The following RNF180 variants were observed in gnomAD, a reference collection of about 807,000 sequenced individuals.
RNF180 encodes the protein E3 ubiquitin-protein ligase RNF180.
In RNF180, 38 loss-of-function variants were observed where a neutral mutation model predicts 59.2. That is an observed-to-expected ratio of 0.64 (90% CI 0.50 to 0.84). The LOEUF is 0.84. Among genes scored for constraint, RNF180 ranks in the 40% least tolerant of loss-of-function variants. The pLI is 0.00. For synonymous variants in RNF180, 262 were observed against 240.3 expected (o/e 1.09, Z -0.84); for missense variants, 705 against 700.9 (o/e 1.01, Z -0.07).
At chr5:64,297,560 A>G (rs556631227) in intron 5 of RNF180, among the ~76,000 whole-genome samples, 2 of 152,204 alleles carry the variant, frequency 1.3e-5, no homozygotes, top group African/African-American at 4.8e-5. Context: ...ACATAGACTC[A>G]GACTACAATT....
chr5:64,198,982 A>T (rs1248034809), intron 1 of RNF180, among the ~76,000 whole-genome samples: 1 of 151,982 alleles, frequency 6.6e-6, no homozygotes, highest in East Asian at 1.9e-4. Flanking sequence ...ACACACGGCT[A>T]AATTTTTGTA....
intron 7 of RNF180, among the ~76,000 whole-genome samples, chr5:64,331,449 A>G (rs1009451504): frequency 1.3e-5 from 2 of 152,154 alleles, no homozygotes; most frequent in African/African-American, 4.8e-5. Flanking sequence ...TCTTTAGCCC[A>G]TAAAAACCCT....
chr5:64,312,857 C>T (rs962118291), intron 5 of RNF180, among the ~76,000 whole-genome samples: 4 of 152,082 alleles, frequency 2.6e-5, no homozygotes, highest in Admixed American at 1.3e-4. Flanking sequence ...CTGGGGTCTT[C>T]TAGTAGCTCT....
At chr5:64,250,683 A>G (rs1463404359) in intron 5 of RNF180, among the ~76,000 whole-genome samples, 3 of 152,202 alleles carry the variant, frequency 2.0e-5, no homozygotes, top group Admixed American at 1.3e-4. Flanking sequence ...TCCTTTATGC[A>G]TACAACCTAC....
chr5:64,323,273 T>C (rs557038015), intron 5 of RNF180, among the ~76,000 whole-genome samples: 4 of 152,134 alleles, frequency 2.6e-5, no homozygotes, highest in Non-Finnish European at 5.9e-5. Flanking sequence ...GGGTGTGGTG[T>C]CTCACAGCCT....
intron 5 of RNF180, among the ~76,000 whole-genome samples, chr5:64,277,696 C>A (rs540295458): frequency 6.6e-6 from 1 of 152,228 alleles, no homozygotes; most frequent in African/African-American, 2.4e-5. Context: ...TGTTCTCATG[C>A]ATGTTGCCTC....
chr5:64,208,623 G>A (rs745505888), intron 2 of RNF180, among the ~76,000 whole-genome samples: 6 of 152,020 alleles, frequency 3.9e-5, no homozygotes, highest in Non-Finnish European at 7.4e-5. Flanking sequence ...GACTGTGTTG[G>A]TAAATACAGG....
At chr5:64,278,859 G>C (rs1741859203) in intron 5 of RNF180, among the ~76,000 whole-genome samples, 1 of 152,074 alleles carries the variant, frequency 6.6e-6, no homozygotes, top group Non-Finnish European at 1.5e-5. Context: ...GCCTCAAACT[G>C]TCTTCCTGCC....
intron 5 of RNF180, among the ~76,000 whole-genome samples, chr5:64,240,862 A>AC (rs761956819): frequency 1.3e-5 from 2 of 152,102 alleles, no homozygotes; most frequent in Non-Finnish European, 2.9e-5. Context: ...TACCTACCTT[A>AC]CATCTACATT....
intron 1 of RNF180, among the ~76,000 whole-genome samples, chr5:64,174,932 T>C (rs1157651919): frequency 6.6e-6 from 1 of 151,586 alleles, no homozygotes; most frequent in Non-Finnish European, 1.5e-5. Flanking sequence ...TAGGTTCCGG[T>C]TTTACATTTA....
intron 5 of RNF180, among the ~76,000 whole-genome samples, chr5:64,269,313 C>G (rs528843649): frequency 6.6e-6 from 1 of 152,236 alleles, no homozygotes; most frequent in South Asian, 2.1e-4. Context: ...TCATTGCTCA[C>G]TGCAGCCTCG....
At chr5:64,310,115 G>A (rs1007586855) in intron 5 of RNF180, among the ~76,000 whole-genome samples, 2 of 151,500 alleles carry the variant, frequency 1.3e-5, no homozygotes, top group African/African-American at 4.8e-5. Flanking sequence ...ACCACTAGTC[G>A]GTATCATTCA....
At chr5:64,233,995 G>A (rs1251508660) in intron 5 of RNF180, among the ~76,000 whole-genome samples, 5 of 152,252 alleles carry the variant, frequency 3.3e-5, no homozygotes, top group Non-Finnish European at 4.4e-5. Context: ...TAATATATTG[G>A]AAAGAAAGTT....
chr5:64,277,214 G>A (rs866190340), intron 5 of RNF180, among the ~76,000 whole-genome samples: 2 of 148,966 alleles, frequency 1.3e-5, no homozygotes, highest in East Asian at 2.0e-4. Flanking sequence ...AAAAGAGACC[G>A]CAGAGAGTGG....
chr5:64,165,565 A>G (rs554431963), upstream of RNF180, among the ~76,000 whole-genome samples: 10 of 152,356 alleles, frequency 6.6e-5, no homozygotes, highest in Non-Finnish European at 7.3e-5. Context: ...AAGGGAGACC[A>G]CAGGGATAAT....
At chr5:64,359,114 T>C (rs1175120459) in intron 7 of RNF180, among the ~76,000 whole-genome samples, 5 of 151,520 alleles carry the variant, frequency 3.3e-5, no homozygotes, top group African/African-American at 7.3e-5. Context: ...TGTGTCTTTA[T>C]AGCAGCATGA....
intron 5 of RNF180, among the ~76,000 whole-genome samples, chr5:64,302,241 A>G (rs1743195517): frequency 6.6e-6 from 1 of 151,650 alleles, no homozygotes; most frequent in African/African-American, 2.4e-5. Context: ...GAAAATTGGA[A>G]GCACACAAAA....
intron 7 of RNF180, among the ~76,000 whole-genome samples, chr5:64,351,068 G>A (rs1260984715): frequency 4.6e-5 from 7 of 151,468 alleles, no homozygotes; most frequent in Non-Finnish European, 1.0e-4. Context: ...ATTTGTTTGT[G>A]TCCTCTTTTA....
chr5:64,349,684 G>A lies in RNF180; in HGVS notation c.1579+19278G>A, dbSNP rs538956400. ...TTGCCACCTATGAGTGAGAACATGC[G>A]GTGTTTGGTTTTTTGTCCTTGTGAT... is the stretch of plus-strand genomic sequence containing the variant. On this transcript the variant is annotated intron_variant, in intron 7 of 7. Transcript: ENST00000389100. Among the ~76,000 whole-genome samples the A allele has an allele frequency of 2.5e-4, 38 of 152,016 alleles. 1 individual carries two copies. Among genetic ancestry groups the A allele is most frequent in the African/African-American group, 7.5e-4 (31 of 41,454 alleles).
Sources: allele counts gnomAD v4.1 joint callset (sites outside exome capture counted in the v4.1 genomes callset), GRCh38; gene constraint gnomAD v4.1.1; transcripts MANE v1.5; gene names NCBI Gene and HGNC (gene_info 2026-07-23, HGNC 2026-07-21).